The following DPP6 variants were observed in gnomAD, a reference collection of about 807,000 sequenced individuals.
The protein encoded by DPP6 is A-type potassium channel modulatory protein DPP6.
A neutral mutation model predicts 122.6 loss-of-function variants in DPP6; 69 were observed. That is an observed-to-expected ratio of 0.56 (90% CI 0.46 to 0.69). DPP6 has a LOEUF of 0.69. DPP6 is among the 30% of genes least tolerant of loss of function. The pLI, the probability that DPP6 is intolerant of heterozygous loss-of-function variation, is 0.00. For missense variants in DPP6, 928 were observed against 1,116.9 expected (o/e 0.83, Z 2.41); for synonymous variants, 418 against 433.1 (o/e 0.97, Z 0.43).
At chr7:154,372,047 G>A (rs1005531192) in intron 1 of DPP6, among the ~76,000 whole-genome samples, 1 of 152,044 alleles carries the variant, frequency 6.6e-6, no homozygotes, top group African/African-American at 2.4e-5. Context: ...GAGAGAACAG[G>A]TGCCCTAGCA....
At chr7:154,719,740 T>G (rs2131337460) in intron 7 of DPP6, among the ~76,000 whole-genome samples, 1 of 152,348 alleles carries the variant, frequency 6.6e-6, no homozygotes, top group South Asian at 2.1e-4. Flanking sequence ...GTCACTGCTC[T>G]TCTCCGCAGG....
At chr7:154,077,320 G>A (rs1296850498) in intron 1 of DPP6, among the ~76,000 whole-genome samples, 1 of 152,222 alleles carries the variant, frequency 6.6e-6, no homozygotes, top group Non-Finnish European at 1.5e-5. Flanking sequence ...GAATGAAGAA[G>A]CCAGCGTCCA....
At chr7:153,799,056 T>C in the DPP6 span, among the ~76,000 whole-genome samples, 1 of 152,194 alleles carries the variant, frequency 6.6e-6, no homozygotes, top group Non-Finnish European at 1.5e-5. Context: ...CCTCACCTCC[T>C]CTAGGAGGTG....
At chr7:154,841,242 C>T (rs926069713) in intron 16 of DPP6, among the ~76,000 whole-genome samples, 3 of 152,078 alleles carry the variant, frequency 2.0e-5, no homozygotes, top group Non-Finnish European at 2.9e-5. Flanking sequence ...TCAGTCGGGG[C>T]GAACGAAACA....
chr7:153,822,678 T>C, the DPP6 span, among the ~76,000 whole-genome samples: 1 of 152,174 alleles, frequency 6.6e-6, no homozygotes, highest in Admixed American at 6.5e-5. Flanking sequence ...AAATACCTAG[T>C]ATGATGGGGA....
At chr7:153,868,892 C>T in the DPP6 span, among the ~76,000 whole-genome samples, 64 of 152,176 alleles carry the variant, frequency 4.2e-4, no homozygotes, top group Non-Finnish European at 7.9e-4. Flanking sequence ...TTTATTTCTG[C>T]TTTCATTTCG....
chr7:154,363,035 T>G (rs185565044), intron 1 of DPP6, among the ~76,000 whole-genome samples: 52 of 152,276 alleles, frequency 3.4e-4, no homozygotes, highest in Admixed American at 2.0e-3. Context: ...CAGAAGACTA[T>G]GGTCTAGGTC....
intron 1 of DPP6, among the ~76,000 whole-genome samples, chr7:154,326,910 T>C (rs1808492051): frequency 6.6e-6 from 1 of 152,182 alleles, no homozygotes; most frequent in Non-Finnish European, 1.5e-5. Flanking sequence ...GGGAGGTGAT[T>C]GGTCTTGTTA....
chr7:153,834,291 T>A, the DPP6 span, among the ~76,000 whole-genome samples: 3 of 143,462 alleles, frequency 2.1e-5, no homozygotes, highest in African/African-American at 5.2e-5. Flanking sequence ...AAAAAAAAAG[T>A]AAGTACATCC....
At chr7:154,027,969 C>T (rs2129053765) in intron 1 of DPP6, among the ~76,000 whole-genome samples, 1 of 150,754 alleles carries the variant, frequency 6.6e-6, no homozygotes, top group South Asian at 2.1e-4. Context: ...CAGTTTATTT[C>T]CCAGCCTTAC....
At position 154,821,423 on chromosome 7, in the gene DPP6, G is replaced by A. The variant is rs1163974157; in HGVS notation, c.1666+14311G>A. Among the ~76,000 whole-genome samples, 1 of 151,728 alleles carries A rather than the reference G, an allele frequency of 6.6e-6. No homozygotes were observed. Among genetic ancestry groups the A allele is most frequent in the Non-Finnish European group, 1.5e-5 (1 of 67,976 alleles). On this transcript the variant is annotated intron_variant, in intron 16 of 25. Transcript: ENST00000377770. The surrounding 1 kb of genome is among the most constrained non-coding windows in gnomAD (Gnocchi z 4.2). ...GGATAGACAGATAATAGATGAGAGG[G>A]AAATGACTGACCGATTGATTGGCAG... is the stretch of plus-strand genomic sequence containing the variant.
At chr7:154,058,805 GAC>G in intron 1 of DPP6, 2 of 149,762 alleles carry the variant, frequency 1.3e-5, no homozygotes, top group Admixed American at 6.6e-5. Flanking sequence ...CACCCCCCAC[GAC>G]AGTGGGGACT....
the DPP6 span, among the ~76,000 whole-genome samples, chr7:153,863,074 A>G: frequency 6.6e-6 from 1 of 152,328 alleles, no homozygotes; most frequent in Admixed American, 6.5e-5. Flanking sequence ...TAAACCATAT[A>G]AATGTATACT....
At chr7:154,193,205 A>C (rs553337292) in intron 1 of DPP6, among the ~76,000 whole-genome samples, 14 of 152,350 alleles carry the variant, frequency 9.2e-5, no homozygotes, top group Admixed American at 3.3e-4. Flanking sequence ...AAAGTACATT[A>C]GACTTTTAGA....
chr7:154,475,434 C>T (rs1053459273), intron 3 of DPP6: 1 of 264,452 alleles, frequency 3.8e-6, no homozygotes, highest in Admixed American at 5.1e-5. Context: ...TTCTCTTGCT[C>T]TCTTTCCGTT....
chr7:154,045,711 A>C (rs568400010), intron 1 of DPP6, among the ~76,000 whole-genome samples: 1 of 152,360 alleles, frequency 6.6e-6, no homozygotes, highest in South Asian at 2.1e-4. Flanking sequence ...CAAATGTACC[A>C]AAAGGAGCAA....
intron 2 of DPP6, among the ~76,000 whole-genome samples, chr7:154,449,608 C>T (rs988150668): frequency 1.3e-5 from 2 of 152,104 alleles, no homozygotes; most frequent in Non-Finnish European, 2.9e-5. Flanking sequence ...AAACTGGAAA[C>T]ATATGTTCAT....
chr7:154,722,521 A>G (rs994680973), intron 7 of DPP6, among the ~76,000 whole-genome samples: 3 of 152,264 alleles, frequency 2.0e-5, no homozygotes, highest in Admixed American at 1.3e-4. Flanking sequence ...TTTATTCTGA[A>G]GTAAGCAGAA....
At chr7:153,802,877 G>A in the DPP6 span, among the ~76,000 whole-genome samples, 1 of 152,172 alleles carries the variant, frequency 6.6e-6, no homozygotes. Flanking sequence ...CATCACTGTG[G>A]TGGTCTTGTC....
Sources: gnomAD v4.1 joint callset for allele counts (sites outside exome capture counted in the v4.1 genomes callset) on GRCh38, gnomAD v4.1.1 for gene constraint, Gnocchi (gnomAD v3.1) non-coding constraint, MANE v1.5 for transcripts, NCBI Gene and HGNC (gene_info 2026-07-23, HGNC 2026-07-21) for gene names.